HTR3A: variants seen among roughly 807,000 people sequenced by gnomAD.
HTR3A encodes 5-hydroxytryptamine receptor 3A, also known as 5-hydroxytryptamine (serotonin) receptor 3A, ionotropic.
Under a neutral mutation model 54.8 loss-of-function variants are expected in HTR3A, and 45 were observed. That is an observed-to-expected ratio of 0.82 (90% confidence interval 0.65 to 1.05). HTR3A has a LOEUF of 1.05. HTR3A is among the 50% of genes least tolerant of loss of function. The pLI, the probability that HTR3A is intolerant of heterozygous loss-of-function variation, is 0.00. For synonymous variants in HTR3A, 297 were observed against 256.0 expected (o/e 1.16, Z -1.53); for missense variants, 657 against 614.0 (o/e 1.07, Z -0.74).
intron 1 of HTR3A, 169 bp from the exon 2 acceptor site, chr11:113,977,602 A>G (rs1277692249): frequency 1.3e-6 from 2 of 1,519,726 alleles, no homozygotes; most frequent in Non-Finnish European, 1.8e-6. Flanking sequence ...TATGGTAGAA[A>G]TCTCTGCAGA....
Position 113,977,812 on chromosome 11 carries a change from C to A in HTR3A, c.109C>A (p.Leu37Met). 1 of 1,614,180 alleles carries A rather than the reference C, an allele frequency of 6.2e-7. No homozygotes were observed. The highest frequency in any genetic ancestry group is 8.5e-7 in the Non-Finnish European group (1 of 1,180,040). Residue 37 changes from leucine to methionine, a missense_variant, in exon 2 of 9, where the codon CTG (leucine) becomes ATG (methionine). Leu to Met is a conservative substitution (Grantham distance 15, BLOSUM62 2). Transcript: ENST00000504030. ...CACCACCAGGCCCGCTCTGCTGAGG[C>A]TGTCGGATTACCTTTTGACCAACTA... ...RNTTRPALLRLSDYLLTNYRK... is the reference protein window; with the variant it reads ...RNTTRPALLRMSDYLLTNYRK...
intron 4 of HTR3A, among the ~76,000 whole-genome samples, chr11:113,982,326 G>C (rs1314168226): frequency 1.9e-5 from 2 of 104,470 alleles, no homozygotes; most frequent in African/African-American, 3.1e-5. Flanking sequence ...ACTCCAGGGG[G>C]TGCCACTGAC....
intron 1 of HTR3A, among the ~76,000 whole-genome samples, chr11:113,976,571 TTGTGTGTGTGTGTGTGTGTGTGTG>T (rs34498899): frequency 7.4e-6 from 1 of 135,320 alleles, no homozygotes; most frequent in Non-Finnish European, 1.5e-5. Context: ...AAAAAATAGT[TTGTGTGTGTGTGTGTGTGTGTGTG>T]TGTGTGTGTG....
chr11:113,977,358 G>T, intron 1 of HTR3A: 1 of 600,600 alleles, frequency 1.7e-6, no homozygotes, highest in Non-Finnish European at 2.9e-6. Context: ...TTGTGCACTT[G>T]GGGTCATGCT....
At position 113,975,140 on chromosome 11, in the gene HTR3A, G is replaced by A. The variant is rs1418850766; in HGVS notation, c.-186G>A. 1 of 703,050 alleles carries A rather than the reference G, an allele frequency of 1.4e-6. No individual in the cohort carries two copies. The highest frequency in any genetic ancestry group is 2.0e-5 in the Admixed American group (1 of 49,966). 43.6% of individuals were successfully genotyped at this position (703,050 alleles called of 1,614,324 possible). On this transcript the variant is annotated 5_prime_UTR_variant, in exon 1 of 9. Coordinates refer to ENST00000504030, the MANE Select transcript of HTR3A (RefSeq NM_000869.6). ...GATCCAGCTGAAGGACTGATTGCAG[G>A]AAAACTTGGCAGCTCCCCAACCTTG...
At chr11:113,984,285 T>G (rs1298449410) in intron 5 of HTR3A, among the ~76,000 whole-genome samples, 3 of 152,140 alleles carry the variant, frequency 2.0e-5, no homozygotes, top group African/African-American at 7.2e-5. Context: ...GTCACCCTTG[T>G]AAGTACTTAT....
At chr11:113,983,439 C>A in intron 5 of HTR3A, 150 bp downstream of exon 5, 2 of 805,418 alleles carry the variant, frequency 2.5e-6, no homozygotes, top group East Asian at 2.5e-5. Flanking sequence ...TGAGGTAGAT[C>A]TGCTGCTCTT....
chr11:113,979,229 C>T lies in HTR3A; in HGVS notation c.220-4C>T. 1.2e-6 allele frequency: 2 copies of T among 1,613,086 alleles called. No homozygotes were observed. Among genetic ancestry groups the T allele is most frequent in the Non-Finnish European group, 8.5e-7 (1 of 1,179,440 alleles). ...ACTTGTTCAAGCTCCCTTTCCTTTC[C>T]CAGGATGAGAAGAATCAGGTGCTGA... On this transcript the variant is annotated splice_region_variant and splice_polypyrimidine_tract_variant and intron_variant, in intron 2 of 8. Coordinates refer to ENST00000504030, the MANE Select transcript of HTR3A (RefSeq NM_000869.6).
rs183403368 is a variant in HTR3A at position 113,983,672 on chromosome 11, C to T, written c.544+383C>T. On this transcript the variant is annotated intron_variant, in intron 5 of 8. Coordinates refer to ENST00000504030, the MANE Select transcript of HTR3A (RefSeq NM_000869.6). Reference sequence around the variant, plus strand: ...GAGGGTGTGAACTGACGGCAAGACGCTCAGTAAGGGACAATTTTTTTCCAA... The same window carrying T: ...GAGGGTGTGAACTGACGGCAAGACGTTCAGTAAGGGACAATTTTTTTCCAA... 9.7e-4 allele frequency among the ~76,000 whole-genome samples: 148 copies of T among 152,222 alleles called. 1 individual carries two copies. Among genetic ancestry groups the T allele is most frequent in the African/African-American group, 3.3e-3 (139 of 41,522 alleles).
chr11:113,975,452 G>A, intron 1 of HTR3A, 60 bp downstream of exon 1: 2 of 1,418,854 alleles, frequency 1.4e-6, no homozygotes, highest in South Asian at 1.2e-5. Flanking sequence ...TGGGGCAGGG[G>A]ATGCTTCAGT....
chr11:113,989,988 C>G lies in HTR3A; in HGVS notation c.*225C>G. ...CAAGGCCCTTACACCCTTGTCCCAC[C>G]CCCAGCAGCTCACCATGGCTTTAAA... On this transcript the variant is annotated 3_prime_UTR_variant, in exon 9 of 9. Coordinates refer to ENST00000504030, the MANE Select transcript of HTR3A (RefSeq NM_000869.6). This position sits in a 1 kb window ranked among gnomAD's most constrained non-coding sequence, Gnocchi z 4.4. 1.5e-6 allele frequency: 1 copy of G among 686,046 alleles called. No individual in the cohort carries two copies. Among genetic ancestry groups the G allele is most frequent in the Non-Finnish European group, 2.7e-6 (1 of 377,084 alleles). 42.5% of individuals were successfully genotyped at this position (686,046 alleles called of 1,614,324 possible). A position where few individuals can be genotyped will look rare whatever the true frequency, so the allele number is the denominator to read the frequency against.
At chr11:113,986,772 C>G in intron 7 of HTR3A, 44 bp downstream of exon 7, 1 of 1,614,118 alleles carries the variant, frequency 6.2e-7, no homozygotes, top group Non-Finnish European at 8.5e-7. Flanking sequence ...GTGAGAAACC[C>G]GCCCCCTCCC....
chr11:113,990,275 G>A lies in HTR3A; in HGVS notation c.*512G>A, dbSNP rs1950537727. The A allele has an allele frequency of 4.5e-6, 2 of 446,226 alleles. No individual in the cohort carries two copies. The highest frequency in any genetic ancestry group is 9.0e-6 in the Non-Finnish European group (2 of 221,296). The allele number at this position is 446,226 out of a possible 1,614,324, so 27.6% of individuals were successfully genotyped here. ...CCTGAACACTCATCCCCCATCAGAT[G>A]ATGGGAGTGGGAAGAATAAAATGCA... On this transcript the variant is annotated 3_prime_UTR_variant, in exon 9 of 9. Transcript: ENST00000504030.
intron 5 of HTR3A, among the ~76,000 whole-genome samples, chr11:113,985,574 A>C (rs927737140): frequency 6.6e-6 from 1 of 152,114 alleles, no homozygotes; most frequent in Non-Finnish European, 1.5e-5. Context: ...GATTTTGCTT[A>C]TTTTCTTAAT....
rs112628665 is a variant in HTR3A at position 113,977,847 on chromosome 11, T to C, written c.144T>C (p.Gly48=). The change falls in exon 2 of 9, where the codon GGT becomes GGC. Residue 48 remains glycine (G), a synonymous_variant. Coordinates refer to ENST00000504030, the MANE Select transcript of HTR3A (RefSeq NM_000869.6). ...ACCTTTTGACCAACTACAGGAAGGGTGTGCGCCCCGTGAGGGACTGGAGGA... is the reference window on the plus strand; with the variant it reads ...ACCTTTTGACCAACTACAGGAAGGGCGTGCGCCCCGTGAGGGACTGGAGGA... ...SDYLLTNYRK[G]VRPVRDWRKP... 3 of 1,614,006 alleles carry C rather than the reference T, an allele frequency of 1.9e-6. No individual in the cohort carries two copies. The highest frequency in any genetic ancestry group is 1.6e-4 in the Middle Eastern group (1 of 6,062).
Position 113,983,107 on chromosome 11 carries a change from T to A in HTR3A, c.375-13T>A. 1 of 1,614,146 alleles carries A rather than the reference T, an allele frequency of 6.2e-7. No homozygotes were observed. The highest frequency in any genetic ancestry group is 8.5e-7 in the Non-Finnish European group (1 of 1,180,022). ...CTCTTGAGCTCCCAAACTAACCCCT[T>A]TTCCCCCGCCAGCGTGGATGTGGGG... On this transcript the variant is annotated splice_polypyrimidine_tract_variant and intron_variant, in intron 4 of 8. Transcript: ENST00000504030.
intron 8 of HTR3A, 98 bp downstream of exon 8, chr11:113,987,144 T>A: frequency 1.6e-6 from 2 of 1,279,508 alleles, no homozygotes; most frequent in Non-Finnish European, 2.2e-6. Flanking sequence ...GGAGGTGCTG[T>A]ACTGCACATG....
At chr11:113,980,991 G>T in intron 3 of HTR3A, 1 of 569,738 alleles carries the variant, frequency 1.8e-6, no homozygotes, top group Admixed American at 2.9e-5. Context: ...GCTACATCTA[G>T]CCGAGTTGTT....
At chr11:113,984,577 A>G (rs1216256341) in intron 5 of HTR3A, among the ~76,000 whole-genome samples, 1 of 152,220 alleles carries the variant, frequency 6.6e-6, no homozygotes. Flanking sequence ...AATGCTAGCT[A>G]AGGGCTTGCC....
Sources: gnomAD v4.1 joint callset for allele counts (sites outside exome capture counted in the v4.1 genomes callset) on GRCh38, gnomAD v4.1.1 for gene constraint, Gnocchi (gnomAD v3.1) non-coding constraint, MANE v1.5 for transcripts, NCBI Gene and HGNC (gene_info 2026-07-23, HGNC 2026-07-21) for gene names.